DBH: variants seen among roughly 807,000 people sequenced by gnomAD.
DBH encodes dopamine beta-hydroxylase.
In DBH, 49 loss-of-function variants were observed where a neutral mutation model predicts 64.0. The observed-to-expected ratio is 0.77, with a 90% CI of 0.61 to 0.97. DBH has a LOEUF of 0.97. DBH is among the 50% of genes least tolerant of loss of function. DBH has a pLI of 0.00. For missense variants in DBH, 828 were observed against 826.6 expected, an observed-to-expected ratio of 1.00 and a Z score of -0.02; for synonymous variants, 343 against 347.1, an observed-to-expected ratio of 0.99 and a Z score of 0.13.
chr9:133,639,892 A>C lies in DBH; in HGVS notation c.386A>C (p.Gln129Pro). ...GGGCAGATCCACCTGGATCCCCAGC[A>C]GGACTACCAGCTGCTGCAGGTGCAG... ...QKGQIHLDPQ[Q>P]DYQLLQVQRT... is the part of the protein sequence containing the mutation. Residue 129 changes from glutamine to proline, a missense_variant, in exon 2 of 12, where the codon CAG becomes CCG. Coordinates refer to ENST00000393056, the MANE Select transcript of DBH (RefSeq NM_000787.4). The C allele has an allele frequency of 6.2e-7, 1 of 1,613,126 alleles. No individual in the cohort carries two copies. The highest frequency in any genetic ancestry group is 8.5e-7 in the Non-Finnish European group (1 of 1,179,736).
rs1347797319 is a variant in DBH at position 133,643,260 on chromosome 9, C to G, written c.745-153C>G. On this transcript the variant is annotated intron_variant, in intron 3 of 11. Transcript: ENST00000393056. The surrounding 1 kb of genome is among the most constrained non-coding windows in gnomAD (Gnocchi z 5.3). ...TTTCTTTCTGGGCTGATGGCTCCAC[C>G]CTCAAGGCTGTGAACCCCAGAAGTG... Among the ~76,000 whole-genome samples the G allele has an allele frequency of 6.6e-6, 1 of 152,166 alleles. No homozygotes were observed. The highest frequency in any genetic ancestry group is 1.5e-5 in the Non-Finnish European group (1 of 68,024).
chr9:133,652,804 C>A (rs149721543), intron 8 of DBH, 136 bp from the exon 9 acceptor site: 5 of 712,426 alleles, frequency 7.0e-6, no homozygotes, highest in Non-Finnish European at 1.0e-5. Flanking sequence ...CTGCTGGGCT[C>A]CTTGTAGTGG....
At chr9:133,649,925 C>G (rs972495151) in intron 6 of DBH, among the ~76,000 whole-genome samples, 3 of 152,256 alleles carry the variant, frequency 2.0e-5, no homozygotes, top group African/African-American at 7.2e-5. Context: ...TGAGAATGTT[C>G]AGTCTTGTCT....
At chr9:133,647,723 G>C in intron 5 of DBH, 123 bp from the exon 6 acceptor site, 4 of 1,191,084 alleles carry the variant, frequency 3.4e-6, no homozygotes, top group Non-Finnish European at 3.6e-6. Flanking sequence ...GGGAGCAGAT[G>C]GGGGGTGACC....
intron 5 of DBH, among the ~76,000 whole-genome samples, chr9:133,647,644 T>C (rs549225358): frequency 8.5e-5 from 13 of 152,284 alleles, no homozygotes; most frequent in African/African-American, 2.4e-4. Context: ...CGTTAATTGA[T>C]CTTGCGAGCT....
chr9:133,650,208 C>T (rs2283124), intron 6 of DBH, among the ~76,000 whole-genome samples: 19,880 of 152,110 alleles, frequency 0.13, 1,429 homozygotes, highest in South Asian at 0.21. Context: ...TAGGCGACGG[C>T]AAGGTCAGGG....
chr9:133,643,574 G>C lies in DBH; in HGVS notation c.906G>C (p.Trp302Cys). ...ACTGCCGCCACGTGCTGGCCGCCTG[G>C]GCCCTGGGTGCCAAGGTGCGTGCCC... The part of the protein sequence containing the change: ...LNYCRHVLAA[W>C]ALGAKAFYYP... Residue 302 changes from tryptophan to cysteine, a missense_variant, in exon 4 of 12, where the codon TGG becomes TGC. Transcript: ENST00000393056. This position sits in a 1 kb window ranked among gnomAD's most constrained non-coding sequence, Gnocchi z 5.3. 1 of 1,613,338 alleles carries C rather than the reference G, an allele frequency of 6.2e-7. No individual in the cohort carries two copies. The highest frequency in any genetic ancestry group is 8.5e-7 in the Non-Finnish European group (1 of 1,179,904).
In DBH at chr9:133,658,340, C is replaced by A. The variant is rs756024093; in HGVS notation, c.1747C>A (p.Pro583Thr). Residue 583 changes from proline to threonine, a missense_variant, in exon 12 of 12, where the codon CCC (proline) becomes ACC (threonine). Transcript: ENST00000393056. Reference sequence around the variant, plus strand: ...GGGTGAATGGAACCTGCAGCCCCTGCCCAAGGTCATCTCCACACTGGAAGA... The same window carrying A: ...GGGTGAATGGAACCTGCAGCCCCTGACCAAGGTCATCTCCACACTGGAAGA... ...FQGEWNLQPLPKVISTLEEPT... is the reference protein window; with the variant it reads ...FQGEWNLQPLTKVISTLEEPT... The A allele has an allele frequency of 6.2e-7, 1 of 1,613,938 alleles. No individual in the cohort carries two copies. The highest frequency in any genetic ancestry group is 1.7e-5 in the Admixed American group (1 of 59,996).
rs763558144 is a variant in DBH at position 133,657,188 on chromosome 9, A to G, written c.1681A>G (p.Ile561Val). Residue 561 changes from isoleucine (I) to valine (V), a missense_variant, in exon 11 of 12, where the codon ATC becomes GTC. Transcript: ENST00000393056. ...VLKALYSFAP[I>V]SMHCNKSSAV... is the part of the protein sequence containing the mutation. ...GAAGGCCCTGTACAGCTTCGCGCCC[A>G]TCTCCATGCACTGCAACAAGTCCTC... is the stretch of plus-strand genomic sequence containing the variant. 5.0e-6 allele frequency: 8 copies of G among 1,614,026 alleles called. No individual in the cohort carries two copies. In the South Asian group the frequency reaches 8.8e-5, roughly 18 times the overall value.
chr9:133,648,467 C>T (rs1467086005), intron 6 of DBH, among the ~76,000 whole-genome samples: 1 of 152,222 alleles, frequency 6.6e-6, no homozygotes, highest in African/African-American at 2.4e-5. Flanking sequence ...GTGTTAGAAA[C>T]CTTTTGTGTT....
In DBH at chr9:133,650,772, T is replaced by C. The variant is rs530784993; in HGVS notation, c.1192-862T>C. Among the ~76,000 whole-genome samples the C allele has an allele frequency of 2.6e-4, 39 of 152,212 alleles. 1 individual carries two copies. The South Asian group carries it at 5.0e-3, about 19-fold the overall frequency. On this transcript the variant is annotated intron_variant, in intron 6 of 11. Transcript: ENST00000393056. The stretch of plus-strand genomic sequence containing the variant: ...CATGTTGGCCAGACTATTCTCAAAC[T>C]CCTTACCTCAAATGATCCATGTGCC...
chr9:133,652,376 G>A (rs1431097137), intron 8 of DBH, 92 bp downstream of exon 8: 1 of 1,476,696 alleles, frequency 6.8e-7, no homozygotes, highest in Non-Finnish European at 9.4e-7. Context: ...GAGGGACACA[G>A]AAAGTGATAG....
rs531153006 is a variant in DBH, at chr9:133,648,119, C to T, written c.1191+107C>T. ...GGGTGGCAGGCACAGCTTTGGTTTC[C>T]CCTGACCCTGAATCCCCCTGCGGTC... On this transcript the variant is annotated intron_variant, in intron 6 of 11. Transcript: ENST00000393056. 577 of 1,305,318 alleles carry T rather than the reference C, an allele frequency of 4.4e-4. No homozygotes were observed. The Middle Eastern group carries it at 5.0e-3, about 11-fold the overall frequency. The allele number at this position is 1,305,318 out of a possible 1,614,324, so 80.9% of individuals were successfully genotyped here. A position where few individuals can be genotyped will look rare whatever the true frequency, so the allele number is the denominator to read the frequency against.
chr9:133,649,343 A>G (rs1832218572), intron 6 of DBH, among the ~76,000 whole-genome samples: 1 of 152,192 alleles, frequency 6.6e-6, no homozygotes, highest in South Asian at 2.1e-4. Flanking sequence ...CTGCAAAGTA[A>G]GTGTTGACGT....
At chr9:133,656,964 G>C (rs1832329908) in intron 10 of DBH, 106 bp from the exon 11 acceptor site, 3 of 1,340,384 alleles carry the variant, frequency 2.2e-6, no homozygotes, top group South Asian at 1.2e-5. Flanking sequence ...TGGCAGGACG[G>C]TTGCCCCAGG....
At chr9:133,646,378 G>A (rs1832181672) in intron 5 of DBH, among the ~76,000 whole-genome samples, 1 of 152,010 alleles carries the variant, frequency 6.6e-6, no homozygotes, top group Non-Finnish European at 1.5e-5. Context: ...CATGGGGCCA[G>A]GCCTTTAGAT....
chr9:133,646,047 C>T (rs1832177465), intron 5 of DBH, among the ~76,000 whole-genome samples: 1 of 152,180 alleles, frequency 6.6e-6, no homozygotes, highest in African/African-American at 2.4e-5. Context: ...GAAACCACCC[C>T]CCAGCTCCCG....
At position 133,646,310 on chromosome 9, in the gene DBH, C is replaced by T. The variant is rs534687068; in HGVS notation, c.1025-1536C>T. ...GGGCAGAGCCTCCTGCTGCACAGCCCCTCCAGACCACCCCGCCATGTCCGC... is the reference window on the plus strand; with the variant it reads ...GGGCAGAGCCTCCTGCTGCACAGCCTCTCCAGACCACCCCGCCATGTCCGC... On this transcript the variant is annotated intron_variant, in intron 5 of 11. Coordinates refer to ENST00000393056, the MANE Select transcript of DBH (RefSeq NM_000787.4). 4.2e-3 allele frequency among the ~76,000 whole-genome samples: 593 copies of T among 141,858 alleles called. 4 individuals carry two copies. The highest frequency in any genetic ancestry group is 0.015 in the African/African-American group (535 of 36,596). The allele number at this position is 141,858 out of a possible 152,430, so 93.1% of individuals were successfully genotyped here. A position where few individuals can be genotyped will look rare whatever the true frequency, so the allele number is the denominator to read the frequency against.
intron 4 of DBH, 105 bp from the exon 5 acceptor site, chr9:133,644,110 TCCA>T: frequency 1.2e-6 from 1 of 843,506 alleles, no homozygotes; most frequent in Non-Finnish European, 2.1e-6. Context: ...CTGCGCCCCC[TCCA>T]CCACCCCTGA....
Sources: allele counts gnomAD v4.1 joint callset (sites outside exome capture counted in the v4.1 genomes callset), GRCh38; gene constraint gnomAD v4.1.1; non-coding constraint Gnocchi (gnomAD v3.1); transcripts MANE v1.5; gene names NCBI Gene and HGNC (gene_info 2026-07-23, HGNC 2026-07-21).